RFX3: variants seen among roughly 807,000 people sequenced by gnomAD.
RFX3 encodes the protein regulatory factor X3, also known as transcription factor RFX3.
In RFX3, 14 loss-of-function variants were observed where a neutral mutation model predicts 98.6. The observed-to-expected ratio is 0.14, with a 90% CI of 0.09 to 0.22. The LOEUF is 0.22. Ranked by LOEUF, RFX3 falls within the 10% of genes least tolerant of loss-of-function variation. The pLI, the probability that RFX3 is intolerant of heterozygous loss-of-function variation, is 1.00. For synonymous variants in RFX3, 383 were observed against 328.4 expected, an observed-to-expected ratio of 1.17 and a Z score of -1.80; for missense variants, 639 against 926.9, an observed-to-expected ratio of 0.69 and a Z score of 4.03.
chr9:3,301,053 T>G (rs1173739909), intron 5 of RFX3, among the ~76,000 whole-genome samples: 1 of 151,836 alleles, frequency 6.6e-6, no homozygotes, highest in Non-Finnish European at 1.5e-5. Context: ...ACTATGGGGT[T>G]GTTTACTGCC....
At chr9:3,504,899 A>C (rs1375464571) in intron 1 of RFX3, among the ~76,000 whole-genome samples, 1 of 56,666 alleles carries the variant, frequency 1.8e-5, no homozygotes, top group South Asian at 5.2e-4. Context: ...TATAACATAT[A>C]TTATATATAT....
intron 1 of RFX3, among the ~76,000 whole-genome samples, chr9:3,525,543 C>T (rs550632636): frequency 9.2e-5 from 14 of 152,004 alleles, no homozygotes; most frequent in African/African-American, 2.4e-4. Flanking sequence ...CCCGACCCAG[C>T]CGCGGCGCGC....
At chr9:3,473,015 C>G (rs1848917578) in intron 1 of RFX3, among the ~76,000 whole-genome samples, 1 of 152,104 alleles carries the variant, frequency 6.6e-6, no homozygotes, top group African/African-American at 2.4e-5. Flanking sequence ...TTAAAACACT[C>G]ATTAAAAAAT....
intron 1 of RFX3, among the ~76,000 whole-genome samples, chr9:3,505,292 ATT>A (rs1435350710): frequency 1.8e-4 from 18 of 101,092 alleles, no homozygotes; most frequent in East Asian, 9.2e-4. Flanking sequence ...ACATTTTTAT[ATT>A]TATATATATA....
intron 1 of RFX3, among the ~76,000 whole-genome samples, chr9:3,404,995 A>G (rs967883561): frequency 2.0e-5 from 3 of 152,200 alleles, no homozygotes; most frequent in Non-Finnish European, 4.4e-5. Flanking sequence ...TCACTAAGGA[A>G]CAATCTTTTA....
intron 2 of RFX3, among the ~76,000 whole-genome samples, chr9:3,359,500 C>G (rs1225453196): frequency 6.6e-6 from 1 of 152,086 alleles, no homozygotes; most frequent in Non-Finnish European, 1.5e-5. Flanking sequence ...CAGAGCCAGT[C>G]TATCAGGATG....
chr9:3,444,534 T>C lies in RFX3; in HGVS notation c.-8-48938A>G, dbSNP rs1587695839. Among the ~76,000 whole-genome samples the C allele has an allele frequency of 2.0e-5, 3 of 152,220 alleles. No individual in the cohort carries two copies. In the South Asian group the frequency reaches 6.2e-4, roughly 32 times the overall value. ...GTTAGTTTCACAGCTATATACTACA[T>C]CAGAACTTATCAAATTAAAAGTTAA... On this transcript the variant is annotated intron_variant, in intron 1 of 16. Transcript: ENST00000617270.
intron 1 of RFX3, among the ~76,000 whole-genome samples, chr9:3,431,888 A>G (rs879300396): frequency 1.1e-4 from 17 of 152,164 alleles, no homozygotes; most frequent in East Asian, 1.9e-4. Flanking sequence ...TATTCTGGGG[A>G]AAAATGCCAC....
At chr9:3,327,665 C>G (rs1477110089) in intron 4 of RFX3, among the ~76,000 whole-genome samples, 1 of 151,264 alleles carries the variant, frequency 6.6e-6, no homozygotes, top group Non-Finnish European at 1.5e-5. Context: ...ACAAAACAAC[C>G]TCAAATATGA....
intron 1 of RFX3, among the ~76,000 whole-genome samples, chr9:3,524,862 CACACACACACACACACCA>C (rs1819076734): frequency 2.2e-5 from 3 of 137,578 alleles, no homozygotes; most frequent in South Asian, 2.3e-4. Context: ...CACACACACA[CACACACACACACACACCA>C]AAGAAGAGAG....
In RFX3 at chr9:3,471,182, T is replaced by G. The variant is rs1587787197; in HGVS notation, c.-9+54565A>C. Among the ~76,000 whole-genome samples, 4 of 152,044 alleles carry G rather than the reference T, an allele frequency of 2.6e-5. 1 individual carries two copies. The highest frequency in any genetic ancestry group is 9.6e-5 in the African/African-American group (4 of 41,494). On this transcript the variant is annotated intron_variant, in intron 1 of 16. Transcript: ENST00000617270. The stretch of plus-strand genomic sequence containing the variant: ...TCTGTCCCACTCACAGCTCAGGACA[T>G]TTACCCTTATATATATTAGATGCTG...
rs1662938797 is a variant in RFX3 at position 3,400,997 on chromosome 9, T to A, written c.-8-5401A>T. On this transcript the variant is annotated intron_variant, in intron 1 of 16. Transcript: ENST00000617270. The stretch of plus-strand genomic sequence containing the variant: ...TTTGCAATATCATGATGATAGGGCT[T>A]CCAAAGAAAAGCTAGAGACTGTTGG... 2.0e-5 allele frequency among the ~76,000 whole-genome samples: 3 copies of A among 152,196 alleles called. No individual in the cohort carries two copies. The South Asian group carries it at 6.2e-4, about 31-fold the overall frequency.
chr9:3,449,001 C>T (rs1464408101), intron 1 of RFX3, among the ~76,000 whole-genome samples: 1 of 152,182 alleles, frequency 6.6e-6, no homozygotes, highest in Non-Finnish European at 1.5e-5. Flanking sequence ...TATCCCCAAA[C>T]TACTTTAAAA....
rs185764940 is a variant in RFX3, at chr9:3,303,603, A to C, written c.475-1983T>G. On this transcript the variant is annotated intron_variant, in intron 4 of 16. Coordinates refer to ENST00000617270, the MANE Select transcript of RFX3 (RefSeq NM_001282116.2). Reference sequence around the variant, plus strand: ...GAGAAGTCCATGCTCTCAGTTTGTTAATAAGCACTTTTCAGTTGGATAAAC... The same window carrying C: ...GAGAAGTCCATGCTCTCAGTTTGTTCATAAGCACTTTTCAGTTGGATAAAC... Among the ~76,000 whole-genome samples, 200 of 151,970 alleles carry C rather than the reference A, an allele frequency of 1.3e-3. 2 individuals are homozygous for C. The highest frequency in any genetic ancestry group is 4.6e-3 in the African/African-American group (191 of 41,512).
At position 3,225,294 on chromosome 9, in the gene RFX3, T is replaced by C. The variant is rs1338861632; in HGVS notation, c.2012-14A>G. On this transcript the variant is annotated splice_polypyrimidine_tract_variant and intron_variant, in intron 16 of 16. Transcript: ENST00000617270. ...CACTGCCTTCATCTGCACAAACAAA[T>C]AATACCAAGACTATCATCGAAGACA... The C allele has an allele frequency of 1.2e-6, 2 of 1,612,066 alleles. No homozygotes were observed. The highest frequency in any genetic ancestry group is 1.3e-5 in the African/African-American group (1 of 74,832).
intron 4 of RFX3, among the ~76,000 whole-genome samples, chr9:3,327,057 A>C (rs1231220329): frequency 6.6e-6 from 1 of 152,156 alleles, no homozygotes; most frequent in Non-Finnish European, 1.5e-5. Flanking sequence ...AGATAGGCTC[A>C]ATGTTTGGAA....
intron 3 of RFX3, chr9:3,344,821 C>T (rs753388134): frequency 4.2e-6 from 3 of 713,636 alleles, no homozygotes; most frequent in Non-Finnish European, 7.8e-6. Flanking sequence ...GGTATAAATG[C>T]CAACAGTAGT....
intron 1 of RFX3, among the ~76,000 whole-genome samples, chr9:3,519,043 G>A (rs1818450577): frequency 6.6e-6 from 1 of 152,002 alleles, no homozygotes; most frequent in Non-Finnish European, 1.5e-5. Flanking sequence ...TATAAATAGG[G>A]CTCAGACTGT....
In RFX3 at chr9:3,266,216, G is replaced by A; in HGVS notation, c.1447C>T (p.Gln483Ter). 1 of 1,601,372 alleles carries A rather than the reference G, an allele frequency of 6.2e-7. No individual in the cohort carries two copies. The highest frequency in any genetic ancestry group is 8.5e-7 in the Non-Finnish European group (1 of 1,170,226). Residue 483 changes from glutamine to a stop codon, truncating the protein, a stop_gained, in exon 12 of 17, where the codon CAA becomes TAA. Transcript: ENST00000617270. LOFTEE classifies it high-confidence loss of function. ...AAGGACATAAAGTATACCTTGGTTT[G>A]TATCATTCTCTGTGGAATATTGTTC... Reference protein sequence around the residue: ...AMNNIPQRMIQTKVAAVSAFA... With the variant: ...AMNNIPQRMI
Sources: gnomAD v4.1 joint callset for allele counts (sites outside exome capture counted in the v4.1 genomes callset) on GRCh38, gnomAD v4.1.1 for gene constraint, MANE v1.5 for transcripts, NCBI Gene and HGNC (gene_info 2026-07-23, HGNC 2026-07-21) for gene names.